ASB5: variants seen among roughly 807,000 people sequenced by gnomAD.
ASB5 encodes the protein ankyrin repeat and SOCS box containing 5.
A neutral mutation model predicts 42.1 loss-of-function variants in ASB5; 45 were observed. The ratio of observed to expected loss-of-function variants is 1.07; its 90% CI spans 0.84 to 1.37. The LOEUF (loss-of-function observed/expected upper bound fraction) is 1.37. Ranked by LOEUF, ASB5 falls within the 40% of genes most tolerant of loss-of-function variation. ASB5 has a pLI of 0.00. For synonymous variants in ASB5, 147 were observed against 150.6 expected (o/e 0.98, Z 0.18); for missense variants, 402 against 399.8 (o/e 1.01, Z -0.05).
chr4:176,221,391 C>G, intron 4 of ASB5, 59 bp downstream of exon 4: 1 of 1,600,702 alleles, frequency 6.2e-7, no homozygotes, highest in Non-Finnish European at 8.5e-7. Context: ...ATCAACAGAG[C>G]ACTGCAGGTT....
At chr4:176,237,625 G>C in intron 1 of ASB5, 1 of 951,744 alleles carries the variant, frequency 1.1e-6, no homozygotes, top group Non-Finnish European at 1.3e-6. Flanking sequence ...CAATGTGGAG[G>C]ATGGGCCAGA....
intron 1 of ASB5, among the ~76,000 whole-genome samples, chr4:176,256,631 A>G (rs1754162470): frequency 6.6e-6 from 1 of 152,166 alleles, no homozygotes; most frequent in African/African-American, 2.4e-5. Context: ...AACTTTCTGT[A>G]AGATATGACA....
chr4:176,227,433 C>T (rs1292353750), intron 1 of ASB5, among the ~76,000 whole-genome samples: 1 of 152,168 alleles, frequency 6.6e-6, no homozygotes, highest in African/African-American at 2.4e-5. Context: ...GACTTCTGCC[C>T]TCTGCACCAG....
chr4:176,259,067 C>T (rs1754208590), intron 1 of ASB5, among the ~76,000 whole-genome samples: 1 of 152,002 alleles, frequency 6.6e-6, no homozygotes, highest in African/African-American at 2.4e-5. Flanking sequence ...TCTACTTGAG[C>T]ATTTTCATCA....
intron 1 of ASB5, among the ~76,000 whole-genome samples, chr4:176,258,152 A>T (rs1273491749): frequency 1.3e-5 from 2 of 152,258 alleles, no homozygotes; most frequent in Non-Finnish European, 2.9e-5. Context: ...TAACATCTAT[A>T]GAGTGTTGAC....
chr4:176,255,838 A>G (rs1221736816), intron 1 of ASB5, among the ~76,000 whole-genome samples: 1 of 152,230 alleles, frequency 6.6e-6, no homozygotes, highest in African/African-American at 2.4e-5. Context: ...ACAAACCTGT[A>G]TCCCCTGAAT....
intron 1 of ASB5, among the ~76,000 whole-genome samples, chr4:176,248,687 A>T (rs1403953356): frequency 6.6e-6 from 1 of 152,236 alleles, no homozygotes; most frequent in African/African-American, 2.4e-5. Flanking sequence ...ATATGTAGGC[A>T]ATTATATCAT....
intron 1 of ASB5, among the ~76,000 whole-genome samples, chr4:176,249,152 A>G (rs1159498018): frequency 6.6e-6 from 1 of 152,192 alleles, no homozygotes; most frequent in Non-Finnish European, 1.5e-5. Flanking sequence ...TTTTTAGTAG[A>G]GACAGGGTTT....
chr4:176,227,639 C>T (rs1424504057), intron 1 of ASB5, among the ~76,000 whole-genome samples: 1 of 152,136 alleles, frequency 6.6e-6, no homozygotes, highest in African/African-American at 2.4e-5. Flanking sequence ...TCTCTGTTTT[C>T]CAGGTGAGGA....
intron 1 of ASB5, among the ~76,000 whole-genome samples, chr4:176,268,458 A>G (rs1439246202): frequency 6.6e-6 from 1 of 152,138 alleles, no homozygotes; most frequent in African/African-American, 2.4e-5. Flanking sequence ...CCAAATCTTG[A>G]AATCCCCTCT....
intron 1 of ASB5, among the ~76,000 whole-genome samples, chr4:176,243,678 A>G (rs1239495883): frequency 5.3e-5 from 8 of 151,378 alleles, no homozygotes; most frequent in African/African-American, 1.9e-4. Flanking sequence ...AATTTTTTGT[A>G]TTTTTGGTAG....
intron 1 of ASB5, among the ~76,000 whole-genome samples, chr4:176,251,034 T>C (rs982549679): frequency 6.6e-6 from 1 of 152,066 alleles, no homozygotes; most frequent in Non-Finnish European, 1.5e-5. Context: ...ATCTGTGTTC[T>C]CTAGTCTGAG....
chr4:176,224,922 A>C (rs1460449528), intron 2 of ASB5, among the ~76,000 whole-genome samples: 6 of 152,198 alleles, frequency 3.9e-5, no homozygotes, highest in African/African-American at 1.4e-4. Flanking sequence ...GTTATTATTG[A>C]ACTAAGTCTG....
intron 6 of ASB5, among the ~76,000 whole-genome samples, chr4:176,216,020 T>C (rs1254030283): frequency 2.6e-5 from 4 of 152,076 alleles, no homozygotes; most frequent in South Asian, 2.1e-4. Flanking sequence ...GAAGGAGATA[T>C]AAATCAAAAG....
chr4:176,255,993 T>C (rs1291822477), intron 1 of ASB5, among the ~76,000 whole-genome samples: 4 of 152,238 alleles, frequency 2.6e-5, no homozygotes, highest in Non-Finnish European at 5.9e-5. Flanking sequence ...AGCATTATTC[T>C]TTAAAAGTCT....
intron 1 of ASB5, among the ~76,000 whole-genome samples, chr4:176,245,782 C>A (rs1435966088): frequency 6.6e-6 from 1 of 152,064 alleles, no homozygotes; most frequent in East Asian, 1.9e-4. Flanking sequence ...TCATTCTGAG[C>A]AAACTATCGC....
intron 1 of ASB5, chr4:176,241,734 G>T: frequency 8.6e-7 from 1 of 1,164,550 alleles, no homozygotes. Context: ...AAAAAATTGA[G>T]CAGTTGTTAT....
chr4:176,222,339 T>C lies in ASB5; in HGVS notation c.358A>G (p.Arg120Gly). 1 of 1,613,920 alleles carries C rather than the reference T, an allele frequency of 6.2e-7. No individual in the cohort carries two copies. Among genetic ancestry groups the C allele is most frequent in the African/African-American group, 1.3e-5 (1 of 75,068 alleles). The change falls in exon 3 of 7, where the codon AGA (arginine) becomes GGA (glycine). Residue 120 changes from arginine (R) to glycine (G), a missense_variant. Transcript: ENST00000296525. ...ACLGDHVACA[R>G]TLLEAGANVN... ...TTAGCTCCTGCTTCCAGCAGAGTTC[T>C]GGCACATGCCACGTGATCTCCAAGG...
chr4:176,219,145 A>C (rs1361218917), intron 5 of ASB5, among the ~76,000 whole-genome samples: 1 of 118,394 alleles, frequency 8.4e-6, no homozygotes, highest in African/African-American at 3.4e-5. Context: ...ATGATATATA[A>C]ATATATATTT....
Sources: gnomAD v4.1 joint callset for allele counts (sites outside exome capture counted in the v4.1 genomes callset) on GRCh38, gnomAD v4.1.1 for gene constraint, MANE v1.5 for transcripts, NCBI Gene and HGNC (gene_info 2026-07-23, HGNC 2026-07-21) for gene names.